The following TEX11 variants were observed in gnomAD, a reference collection of about 807,000 sequenced individuals.
The protein encoded by TEX11 is testis-expressed protein 11.
Under a neutral mutation model 84.4 loss-of-function variants are expected in TEX11, and 7 were observed. The observed-to-expected ratio is 0.08, with a 90% CI of 0.05 to 0.16. The LOEUF (loss-of-function observed/expected upper bound fraction) is 0.16. TEX11 is among the 10% of genes least tolerant of loss of function. TEX11 has a pLI of 1.00. For missense variants in TEX11, 551 were observed against 660.5 expected (o/e 0.83, Z 1.82); for synonymous variants, 264 against 222.8 (o/e 1.18, Z -1.64).
intron 20 of TEX11, among the ~76,000 whole-genome samples, chrX:70,612,525 G>A (rs1282767333): frequency 9.1e-6 from 1 of 109,707 alleles, no homozygotes; most frequent in Non-Finnish European, 1.9e-5. Flanking sequence ...CACTGTAACA[G>A]AAATGAGAAA....
chrX:70,515,520 C>CTGA, the TEX11 span, among the ~76,000 whole-genome samples: 1 of 112,240 alleles, frequency 8.9e-6, no homozygotes, highest in Non-Finnish European at 1.9e-5. Flanking sequence ...CAGTCTATCA[C>CTGA]TGATGGACAT....
At chrX:70,526,616 C>A (rs1020505336), downstream of TEX11, among the ~76,000 whole-genome samples, 4 of 109,895 alleles carry the variant, frequency 3.6e-5, no homozygotes, top group Non-Finnish European at 3.8e-5. Context: ...TCAGTATGAA[C>A]TCATGATTTT....
intron 17 of TEX11, 66 bp downstream of exon 17, chrX:70,651,384 T>A: frequency 2.7e-6 from 2 of 731,536 alleles, no homozygotes; most frequent in Admixed American, 5.7e-5. Context: ...TTTCCCACTG[T>A]GGTTGAAGAG....
rs1296703751 is a variant in TEX11, at chrX:70,572,796, A to C, written c.2141-17996T>G. Among the ~76,000 whole-genome samples, 177 of 98,055 alleles carry C rather than the reference A, an allele frequency of 1.8e-3. 2 individuals carry two copies. The highest frequency in any genetic ancestry group is 3.1e-3 in the Non-Finnish European group (151 of 49,299). 85.1% of individuals were successfully genotyped at this position (98,055 alleles called of 115,157 possible). A position where few individuals can be genotyped will look rare whatever the true frequency, so the allele number is the denominator to read the frequency against. ...TGTTCTCACTCATAGATGGGAATTG[A>C]ACAATGAGAACACATGGACACAGGA... is the stretch of plus-strand genomic sequence containing the variant. On this transcript the variant is annotated intron_variant, in intron 25 of 29. Transcript: ENST00000374333.
At chrX:70,711,596 A>T (rs1401430072) in intron 13 of TEX11, among the ~76,000 whole-genome samples, 1 of 112,162 alleles carries the variant, frequency 8.9e-6, no homozygotes, top group African/African-American at 3.2e-5. Context: ...TCTTTTGAGA[A>T]GTGTCCATTC....
At chrX:70,646,655 C>T (rs761291885) in intron 17 of TEX11, among the ~76,000 whole-genome samples, 46 of 111,565 alleles carry the variant, frequency 4.1e-4, no homozygotes, top group Non-Finnish European at 8.1e-4. Context: ...ATCAGAGAAA[C>T]GCAAATTAAA....
At chrX:70,744,295 G>A in intron 9 of TEX11, 76 bp from the exon 10 acceptor site, 1 of 412,383 alleles carries the variant, frequency 2.4e-6, no homozygotes, top group Non-Finnish European at 3.4e-6. Context: ...TAATTTTCAA[G>A]ATTATATATT....
intron 15 of TEX11, 74 bp from the exon 16 acceptor site, chrX:70,670,588 A>G: frequency 3.7e-6 from 4 of 1,078,096 alleles, no homozygotes; most frequent in Non-Finnish European, 4.9e-6. Flanking sequence ...CTCTAGAAAC[A>G]AATAAAAGAT....
chrX:70,900,018 A>T (rs1432265290), intron 2 of TEX11, among the ~76,000 whole-genome samples: 2 of 103,765 alleles, frequency 1.9e-5, no homozygotes, highest in African/African-American at 7.0e-5. Context: ...ATATTTTTTT[A>T]AAAATAGCCA....
At chrX:70,749,883 C>CT (rs2090800424) in intron 9 of TEX11, among the ~76,000 whole-genome samples, 1 of 110,509 alleles carries the variant, frequency 9.0e-6, no homozygotes, top group South Asian at 3.9e-4. Context: ...CTAAAATTCT[C>CT]TTTTTTTGTT....
intron 10 of TEX11, among the ~76,000 whole-genome samples, chrX:70,743,274 A>G (rs933694427): frequency 8.9e-6 from 1 of 112,246 alleles, no homozygotes; most frequent in Non-Finnish European, 1.9e-5. Flanking sequence ...TACTAGTTTT[A>G]TCCTTTAATC....
At chrX:70,783,176 C>A (rs965881109) in intron 9 of TEX11, among the ~76,000 whole-genome samples, 1 of 112,020 alleles carries the variant, frequency 8.9e-6, no homozygotes, top group African/African-American at 3.2e-5. Flanking sequence ...GATTAAGAAA[C>A]TCACTCAAAA....
chrX:70,511,769 A>G, the TEX11 span, among the ~76,000 whole-genome samples: 2 of 102,697 alleles, frequency 1.9e-5, no homozygotes, highest in African/African-American at 7.2e-5. Context: ...AAAAAAAAAA[A>G]AAAAAAAGAA....
intron 9 of TEX11, among the ~76,000 whole-genome samples, chrX:70,783,394 G>A (rs182802493): frequency 1.5e-3 from 167 of 111,348 alleles, no homozygotes; most frequent in Middle Eastern, 4.6e-3. Flanking sequence ...ATCTAAAATC[G>A]ACATCCTAAC....
intron 20 of TEX11, among the ~76,000 whole-genome samples, chrX:70,623,533 C>T (rs1443998179): frequency 2.7e-5 from 3 of 111,834 alleles, no homozygotes; most frequent in Non-Finnish European, 5.6e-5. Context: ...AAAGGGGGAA[C>T]AGATGCAATA....
At chrX:70,769,588 T>C (rs1477329064) in intron 9 of TEX11, among the ~76,000 whole-genome samples, 3 of 111,530 alleles carry the variant, frequency 2.7e-5, no homozygotes, top group African/African-American at 9.7e-5. Context: ...CAAGGACATA[T>C]ATAAAAAACT....
At chrX:70,855,521 A>T (rs767424508) in intron 5 of TEX11, among the ~76,000 whole-genome samples, 161 of 109,203 alleles carry the variant, frequency 1.5e-3, no homozygotes, top group Non-Finnish European at 2.7e-3. Context: ...AGCTGAGATC[A>T]TGCCACTGCA....
chrX:70,705,203 G>C (rs1407989239), intron 13 of TEX11, among the ~76,000 whole-genome samples: 1 of 111,514 alleles, frequency 9.0e-6, no homozygotes, highest in Non-Finnish European at 1.9e-5. Context: ...CTATAGCCTT[G>C]TAGTATAGTT....
intron 20 of TEX11, among the ~76,000 whole-genome samples, chrX:70,616,313 G>T (rs1307619951): frequency 8.9e-6 from 1 of 111,827 alleles, no homozygotes; most frequent in Non-Finnish European, 1.9e-5. Context: ...TGTAGAATTT[G>T]TATTATTTTT....
Sources: allele counts gnomAD v4.1 joint callset (sites outside exome capture counted in the v4.1 genomes callset), GRCh38; gene constraint gnomAD v4.1.1; transcripts MANE v1.5; gene names NCBI Gene and HGNC (gene_info 2026-07-23, HGNC 2026-07-21).